Variants in CNTN4 observed in about 807,000 individuals in gnomAD.
CNTN4 encodes contactin-4.
A neutral mutation model predicts 122.5 loss-of-function variants in CNTN4; 77 were observed. That is an observed-to-expected ratio of 0.63 (90% CI 0.52 to 0.76). The LOEUF (loss-of-function observed/expected upper bound fraction) is 0.76, where lower values mean the gene tolerates loss of function less well. Ranked by LOEUF, CNTN4 falls within the 30% of genes least tolerant of loss-of-function variation. The pLI, the probability that CNTN4 is intolerant of heterozygous loss-of-function variation, is 0.00. For synonymous variants in CNTN4, 512 were observed against 447.0 expected, an observed-to-expected ratio of 1.15 and a Z score of -1.83; for missense variants, 1,256 against 1,259.1, an observed-to-expected ratio of 1.00 and a Z score of 0.04.
intron 3 of CNTN4, among the ~76,000 whole-genome samples, chr3:2,416,317 T>G (rs1446558611): frequency 6.6e-6 from 1 of 152,222 alleles, no homozygotes. Context: ...CTAGTAATTT[T>G]GTGACCTTCA....
chr3:2,625,405 C>G (rs762626662), intron 4 of CNTN4, among the ~76,000 whole-genome samples: 5 of 152,210 alleles, frequency 3.3e-5, no homozygotes, highest in Non-Finnish European at 7.3e-5. Context: ...GTAACAGATA[C>G]TTAATGACAG....
At chr3:2,391,067 A>C (rs1019018538) in intron 3 of CNTN4, among the ~76,000 whole-genome samples, 2 of 152,194 alleles carry the variant, frequency 1.3e-5, no homozygotes, top group African/African-American at 2.4e-5. Flanking sequence ...GGGGAACCAG[A>C]TTTAGTTTGT....
chr3:2,471,532 T>A lies in CNTN4; in HGVS notation c.-88-99884T>A, dbSNP rs902382333. 6.6e-5 allele frequency among the ~76,000 whole-genome samples: 10 copies of A among 152,148 alleles called. No individual in the cohort carries two copies. In the East Asian group the frequency reaches 1.9e-3, roughly 29 times the overall value. ...GTTTTCTCTTTTTAATGGGGAAAAATTATTATTTCCCTTCCGAAATAGTTA... is the reference window on the plus strand; with the variant it reads ...GTTTTCTCTTTTTAATGGGGAAAAAATATTATTTCCCTTCCGAAATAGTTA... On this transcript the variant is annotated intron_variant, in intron 3 of 24. Transcript: ENST00000418658.
At chr3:2,486,529 A>G (rs2076167731) in intron 3 of CNTN4, among the ~76,000 whole-genome samples, 2 of 152,238 alleles carry the variant, frequency 1.3e-5, no homozygotes, top group South Asian at 4.1e-4. Context: ...CTTGATTCTT[A>G]TAGAAAAATA....
chr3:2,559,817 T>G (rs528274968), intron 3 of CNTN4, among the ~76,000 whole-genome samples: 13 of 152,300 alleles, frequency 8.5e-5, no homozygotes, highest in Middle Eastern at 3.4e-3. Flanking sequence ...GAGGTGTACT[T>G]CTGCTCTTTG....
intron 3 of CNTN4, among the ~76,000 whole-genome samples, chr3:2,516,700 G>T (rs2077048659): frequency 6.6e-6 from 1 of 152,082 alleles, no homozygotes; most frequent in South Asian, 2.1e-4. Flanking sequence ...GGAATGGGGT[G>T]ATTTAAAATT....
rs150268862 is a variant in CNTN4 at position 2,900,256 on chromosome 3, A to G, written c.941-429A>G. 5.9e-5 allele frequency among the ~76,000 whole-genome samples: 9 copies of G among 152,296 alleles called. No homozygotes were observed. The East Asian group carries it at 1.7e-3, about 29-fold the overall frequency. ...GCTCTCACCACTTTCACACACATAC[A>G]GTTGGCATGAACTTGGTTACATAGT... On this transcript the variant is annotated intron_variant, in intron 10 of 24. Transcript: ENST00000418658.
At chr3:2,197,846 C>T (rs1293971118) in intron 2 of CNTN4, among the ~76,000 whole-genome samples, 1 of 152,010 alleles carries the variant, frequency 6.6e-6, no homozygotes, top group Non-Finnish European at 1.5e-5. Flanking sequence ...GAAACCCCGT[C>T]TCTATTAAAA....
At chr3:2,970,832 G>A (rs1242147276) in intron 13 of CNTN4, among the ~76,000 whole-genome samples, 1 of 151,796 alleles carries the variant, frequency 6.6e-6, no homozygotes, top group Non-Finnish European at 1.5e-5. Context: ...CTGTTGCCCA[G>A]GCTGGAGTGC....
At chr3:2,853,154 T>A (rs1436398680) in intron 7 of CNTN4, among the ~76,000 whole-genome samples, 1 of 151,694 alleles carries the variant, frequency 6.6e-6, no homozygotes, top group Non-Finnish European at 1.5e-5. Flanking sequence ...TTAAGAAATT[T>A]TTCAGATACT....
In CNTN4 at chr3:2,109,594, GA is replaced by G. The variant is rs1293620775; in HGVS notation, c.-145+8956del. ...GGTGTTGCATGTGTGCTTATGCTGA[GA>G]TGGGTCCAGTCTGGACAAGAAGACA... On this transcript the variant is annotated intron_variant, in intron 2 of 24. Transcript: ENST00000418658. Among the ~76,000 whole-genome samples, 48 of 152,160 alleles carry G rather than the reference GA, an allele frequency of 3.2e-4. 1 individual carries two copies. The highest frequency in any genetic ancestry group is 1.5e-5 in the Non-Finnish European group (1 of 68,032).
intron 6 of CNTN4, among the ~76,000 whole-genome samples, chr3:2,773,845 C>T (rs540195230): frequency 5.7e-5 from 8 of 139,710 alleles, no homozygotes; most frequent in Admixed American, 8.1e-5. Flanking sequence ...CTGTAAACTC[C>T]GCCTCCCAGG....
intron 6 of CNTN4, among the ~76,000 whole-genome samples, chr3:2,771,509 C>T (rs1430415281): frequency 6.6e-6 from 1 of 152,186 alleles, no homozygotes; most frequent in East Asian, 1.9e-4. Context: ...CATTCTACCT[C>T]TCTGAGTCTC....
At chr3:2,477,750 C>T (rs779100490) in intron 3 of CNTN4, among the ~76,000 whole-genome samples, 7 of 152,162 alleles carry the variant, frequency 4.6e-5, no homozygotes, top group African/African-American at 9.7e-5. Context: ...GGTTTATTTT[C>T]GCTCTAATCC....
chr3:2,208,571 C>A (rs1022085783), intron 2 of CNTN4, among the ~76,000 whole-genome samples: 3 of 152,098 alleles, frequency 2.0e-5, no homozygotes, highest in Admixed American at 1.3e-4. Context: ...GATAAAGGAG[C>A]AATAGAGTTT....
chr3:2,884,886 A>G (rs1029765306), intron 9 of CNTN4, among the ~76,000 whole-genome samples: 1 of 152,358 alleles, frequency 6.6e-6, no homozygotes, highest in East Asian at 1.9e-4. Flanking sequence ...GGGTATGCAC[A>G]TCCAGCTGCT....
intron 3 of CNTN4, among the ~76,000 whole-genome samples, chr3:2,452,051 T>TAC (rs1039992817): frequency 6.6e-6 from 1 of 152,164 alleles, no homozygotes; most frequent in African/African-American, 2.4e-5. Context: ...GCAAATCAGG[T>TAC]ACATGCCTAG....
intron 13 of CNTN4, among the ~76,000 whole-genome samples, chr3:2,973,703 G>A (rs1281931272): frequency 6.6e-6 from 1 of 151,994 alleles, no homozygotes; most frequent in African/African-American, 2.4e-5. Flanking sequence ...AAAATGAAAG[G>A]GAGACAGAGA....
chr3:3,036,040 A>C (rs1359786857), intron 17 of CNTN4, among the ~76,000 whole-genome samples: 1 of 152,184 alleles, frequency 6.6e-6, no homozygotes, highest in African/African-American at 2.4e-5. Flanking sequence ...CTTTGCATGT[A>C]AAAGAATTCT....
Sources: gnomAD v4.1 joint callset for allele counts (sites outside exome capture counted in the v4.1 genomes callset) on GRCh38, gnomAD v4.1.1 for gene constraint, MANE v1.5 for transcripts, NCBI Gene and HGNC (gene_info 2026-07-23, HGNC 2026-07-21) for gene names.